XKR6: variants seen among roughly 807,000 people sequenced by gnomAD.
XKR6 encodes XK-related protein 6.
XKR6 carries 22 observed loss-of-function variants against 56.7 expected under a neutral mutation model. The ratio of observed to expected loss-of-function variants is 0.39; its 90% CI spans 0.28 to 0.55. XKR6 has a LOEUF of 0.55. XKR6 is among the 20% of genes least tolerant of loss of function. XKR6 has a pLI of 0.66. For missense variants in XKR6, 852 were observed against 889.0 expected (o/e 0.96, Z 0.53); for synonymous variants, 524 against 387.8 (o/e 1.35, Z -4.13).
Position 11,200,435 on chromosome 8 carries a change from A to G in XKR6, c.764+141T>C. The G allele has an allele frequency of 2.6e-6, 3 of 1,144,564 alleles. No individual in the cohort carries two copies. Among genetic ancestry groups the G allele is most frequent in the Non-Finnish European group, 3.4e-6 (3 of 881,750 alleles). The allele number at this position is 1,144,564 out of a possible 1,614,324, so 70.9% of individuals were successfully genotyped here. On this transcript the variant is annotated intron_variant, in intron 1 of 2. Coordinates refer to ENST00000416569, the MANE Select transcript of XKR6 (RefSeq NM_173683.4). The surrounding 1 kb of genome is among the most constrained non-coding windows in gnomAD (Gnocchi z 6.4). The stretch of plus-strand genomic sequence containing the variant: ...TCCAGATCAAACGCCGGTCTTTTGG[A>G]GACGCCAGGGGCGGCGCGCGGCCGG...
intron 1 of XKR6, among the ~76,000 whole-genome samples, chr8:11,188,223 A>T (rs549301882): frequency 6.6e-6 from 1 of 152,200 alleles, no homozygotes; most frequent in Admixed American, 6.5e-5. Context: ...AACATGCCTG[A>T]CACATATCAC....
At chr8:11,079,215 T>C (rs1237359349) in intron 1 of XKR6, among the ~76,000 whole-genome samples, 2 of 152,208 alleles carry the variant, frequency 1.3e-5, no homozygotes, top group Non-Finnish European at 2.9e-5. Context: ...GTGTGTCTCC[T>C]GGCTTGTCTG....
intron 1 of XKR6, among the ~76,000 whole-genome samples, chr8:10,958,732 G>A (rs556671874): frequency 1.3e-5 from 2 of 152,310 alleles, no homozygotes; most frequent in South Asian, 4.1e-4. Flanking sequence ...GTAAAATGGA[G>A]CAACTCACTC....
chr8:11,199,791 G>T (rs556181971), intron 1 of XKR6, among the ~76,000 whole-genome samples: 2 of 152,292 alleles, frequency 1.3e-5, no homozygotes, highest in South Asian at 4.1e-4. Context: ...TGCGTCTTGT[G>T]TAAATATAAA....
intron 1 of XKR6, among the ~76,000 whole-genome samples, chr8:11,085,204 T>TC (rs1797846546): frequency 6.6e-6 from 1 of 152,158 alleles, no homozygotes; most frequent in African/African-American, 2.4e-5. Flanking sequence ...ACAGACTTCC[T>TC]CCCATCACCC....
intron 1 of XKR6, among the ~76,000 whole-genome samples, chr8:11,083,485 G>C (rs1218232932): frequency 6.6e-6 from 1 of 152,114 alleles, no homozygotes; most frequent in African/African-American, 2.4e-5. Context: ...TGTGGGACCG[G>C]ATTCTCTTTT....
intron 1 of XKR6, among the ~76,000 whole-genome samples, chr8:11,103,057 TTATAC>T (rs1718908027): frequency 6.6e-6 from 1 of 152,226 alleles, no homozygotes; most frequent in Non-Finnish European, 1.5e-5. Flanking sequence ...GATTGATATA[TTATAC>T]ATAACACTAG....
At chr8:11,004,293 G>GT (rs964437187) in intron 1 of XKR6, among the ~76,000 whole-genome samples, 1 of 152,110 alleles carries the variant, frequency 6.6e-6, no homozygotes, top group African/African-American at 2.4e-5. Flanking sequence ...CAAACATGGT[G>GT]AAACCTCATC....
intron 1 of XKR6, among the ~76,000 whole-genome samples, chr8:11,102,013 G>T (rs1342177246): frequency 2.6e-5 from 4 of 152,324 alleles, no homozygotes; most frequent in African/African-American, 9.6e-5. Context: ...GAAACGAGGA[G>T]GATGTGTCCA....
chr8:11,179,622 G>C (rs926596952), intron 1 of XKR6, among the ~76,000 whole-genome samples: 1 of 152,138 alleles, frequency 6.6e-6, no homozygotes, highest in African/African-American at 2.4e-5. Context: ...TTCATCAGGG[G>C]ACTCCTCCAC....
At chr8:10,912,907 G>T (rs937396117) in intron 2 of XKR6, among the ~76,000 whole-genome samples, 1 of 150,744 alleles carries the variant, frequency 6.6e-6, no homozygotes, top group African/African-American at 2.4e-5. Flanking sequence ...TATAAAGAGA[G>T]GGCGAGTATA....
chr8:11,041,189 G>T (rs1799277593), intron 1 of XKR6, among the ~76,000 whole-genome samples: 1 of 152,118 alleles, frequency 6.6e-6, no homozygotes, highest in African/African-American at 2.4e-5. Context: ...TATTCATGAG[G>T]AGTTTATAAA....
At chr8:11,087,080 C>G (rs1318096579) in intron 1 of XKR6, among the ~76,000 whole-genome samples, 2 of 152,180 alleles carry the variant, frequency 1.3e-5, no homozygotes, top group Non-Finnish European at 2.9e-5. Flanking sequence ...CTCCCCAGTC[C>G]TGCCCTCACT....
intron 1 of XKR6, among the ~76,000 whole-genome samples, chr8:11,082,745 A>C (rs1797765547): frequency 6.6e-6 from 1 of 152,180 alleles, no homozygotes; most frequent in South Asian, 2.1e-4. Flanking sequence ...CAGGTTTGAC[A>C]GAGCCTGGCC....
intron 1 of XKR6, among the ~76,000 whole-genome samples, chr8:11,120,831 A>G (rs1296055694): frequency 6.6e-6 from 1 of 152,232 alleles, no homozygotes; most frequent in African/African-American, 2.4e-5. Context: ...ACTGGTACCA[A>G]AACAGAGATA....
intron 1 of XKR6, among the ~76,000 whole-genome samples, chr8:10,998,294 C>G (rs1023551125): frequency 1.3e-5 from 2 of 152,140 alleles, no homozygotes; most frequent in Non-Finnish European, 2.9e-5. Context: ...TACACACACA[C>G]ACACACCTCT....
rs1204784337 is a variant in XKR6 at position 10,898,166 on chromosome 8, G to A, written c.1712C>T (p.Pro571Leu). Residue 571 changes from proline (P) to leucine (L), a missense_variant, in exon 3 of 3, where the codon CCT becomes CTT. Around this residue, in one of 4 missense-constraint regions of XKR6, gnomAD observed 197 missense variants for 190.9 expected, o/e 1.03. Coordinates refer to ENST00000416569, the MANE Select transcript of XKR6 (RefSeq NM_173683.4). The surrounding 1 kb of genome is among the most constrained non-coding windows in gnomAD (Gnocchi z 6.6). Reference protein sequence around the residue: ...PVFQVRPMGPPTPLGRPYLPE... With the variant: ...PVFQVRPMGPLTPLGRPYLPE... ...GAGGTAAGGACGCCCCAACGGGGTA[G>A]GGGGCCCCATGGGTCTCACTTGGAA... 4.3e-6 allele frequency: 7 copies of A among 1,614,052 alleles called. No individual in the cohort carries two copies. The highest frequency in any genetic ancestry group is 5.1e-6 in the Non-Finnish European group (6 of 1,179,950).
chr8:10,902,783 G>T (rs188210608), intron 2 of XKR6, among the ~76,000 whole-genome samples: 37 of 152,312 alleles, frequency 2.4e-4, no homozygotes, highest in African/African-American at 8.9e-4. Context: ...TACAGGCCTC[G>T]TGCCCCTGAT....
At chr8:11,184,676 C>T (rs888730672) in intron 1 of XKR6, among the ~76,000 whole-genome samples, 1 of 152,044 alleles carries the variant, frequency 6.6e-6, no homozygotes, top group African/African-American at 2.4e-5. Flanking sequence ...ATATTTAACA[C>T]CTTTATAAGG....
Sources: allele counts gnomAD v4.1 joint callset (sites outside exome capture counted in the v4.1 genomes callset), GRCh38; gene constraint gnomAD v4.1.1; regional missense constraint gnomAD v4.1.1; non-coding constraint Gnocchi (gnomAD v3.1); transcripts MANE v1.5; gene names NCBI Gene and HGNC (gene_info 2026-07-23, HGNC 2026-07-21).